NFAM1: variants seen among roughly 807,000 people sequenced by gnomAD.
The protein encoded by NFAM1 is NFAT activating protein with ITAM motif 1, also known as NFAT activation molecule 1.
A neutral mutation model predicts 29.0 loss-of-function variants in NFAM1; 17 were observed. The observed-to-expected ratio is 0.59, with a 90% confidence interval of 0.40 to 0.88. The LOEUF (loss-of-function observed/expected upper bound fraction) is 0.88. Among genes scored for constraint, NFAM1 ranks in the 40% least tolerant of loss-of-function variants. NFAM1 has a pLI of 0.00. For missense variants in NFAM1, 324 were observed against 344.6 expected (o/e 0.94, Z 0.47); for synonymous variants, 175 against 147.2 (o/e 1.19, Z -1.36).
chr22:42,437,824 A>C, the NFAM1 span, among the ~76,000 whole-genome samples: 1 of 152,172 alleles, frequency 6.6e-6, no homozygotes, highest in Admixed American at 6.5e-5. Flanking sequence ...GGTCCGGTGC[A>C]GGCAGAACCA....
intron 3 of NFAM1, among the ~76,000 whole-genome samples, chr22:42,402,491 G>C (rs974520165): frequency 6.6e-6 from 1 of 152,218 alleles, no homozygotes; most frequent in African/African-American, 2.4e-5. Context: ...AGGGGCCCGG[G>C]ATGTGCCAGA....
chr22:42,390,279 G>A (rs879357260), intron 4 of NFAM1, among the ~76,000 whole-genome samples: 8 of 152,086 alleles, frequency 5.3e-5, no homozygotes, highest in Admixed American at 2.0e-4. Context: ...ACCCTGGGAG[G>A]TAAGAACAGG....
rs1928971393 is a variant in NFAM1, at chr22:42,382,035, C to T, written c.*3126G>A. The T allele has an allele frequency of 1.3e-5, 2 of 152,538 alleles. No individual in the cohort carries two copies. Among genetic ancestry groups the T allele is most frequent in the South Asian group, 4.1e-4 (2 of 4,838 alleles). The allele number at this position is 152,538 out of a possible 1,614,324, so 9.4% of individuals were successfully genotyped here. A position where few individuals can be genotyped will look rare whatever the true frequency, so the allele number is the denominator to read the frequency against. On this transcript the variant is annotated 3_prime_UTR_variant, in exon 6 of 6. Transcript: ENST00000329021. ...CTGAGCCAGGGAGTCCCCTTCTGTC[C>T]TTTCTGAGACACTGAGTAGTGTTTG...
At chr22:42,416,937 C>T (rs1471374695) in intron 1 of NFAM1, among the ~76,000 whole-genome samples, 1 of 151,954 alleles carries the variant, frequency 6.6e-6, no homozygotes, top group Non-Finnish European at 1.5e-5. Flanking sequence ...GGATACCAGA[C>T]GCCGGGGGCT....
chr22:42,401,911 C>G (rs532408311), intron 3 of NFAM1, among the ~76,000 whole-genome samples: 11 of 152,332 alleles, frequency 7.2e-5, no homozygotes, highest in African/African-American at 2.6e-4. Flanking sequence ...ACATCCTGGC[C>G]ACTTCTGCCT....
chr22:42,422,610 C>T (rs1423123368), intron 1 of NFAM1, among the ~76,000 whole-genome samples: 1 of 151,682 alleles, frequency 6.6e-6, no homozygotes, highest in Non-Finnish European at 1.5e-5. Context: ...AAAACAAAAA[C>T]AAAAAAAGAA....
chr22:42,423,334 G>C (rs1319952492), intron 1 of NFAM1, among the ~76,000 whole-genome samples: 2 of 152,024 alleles, frequency 1.3e-5, no homozygotes, highest in African/African-American at 2.4e-5. Context: ...GGAGGGGCAA[G>C]GGGTTCCTGG....
Position 42,396,834 on chromosome 22 carries a change from G to A in NFAM1, c.663+1024C>T, listed in dbSNP as rs553902461. Among the ~76,000 whole-genome samples the A allele has an allele frequency of 4.3e-4, 65 of 152,332 alleles. 1 individual carries two copies. In the South Asian group the frequency reaches 0.013, roughly 31 times the overall value. ...CTGTATCCTGGGCGTCCTCTGTGTG[G>A]TGTTCTGTGGCGTTATTAGGGTGAG... On this transcript the variant is annotated intron_variant, in intron 4 of 5. Transcript: ENST00000329021.
intron 1 of NFAM1, among the ~76,000 whole-genome samples, chr22:42,430,100 G>GA (rs1249649317): frequency 6.6e-6 from 1 of 150,422 alleles, no homozygotes; most frequent in Non-Finnish European, 1.5e-5. Flanking sequence ...CTATCTCTAC[G>GA]AAAAAATTTA....
chr22:42,398,047 A>G, intron 3 of NFAM1, 91 bp from the exon 4 acceptor site: 1 of 672,296 alleles, frequency 1.5e-6, no homozygotes, highest in South Asian at 1.8e-5. Flanking sequence ...GCAGATTGTC[A>G]TGAGGTCACA....
At position 42,397,867 on chromosome 22, in the gene NFAM1, A is replaced by G. The variant is rs5996153; in HGVS notation, c.654T>C (p.Ser218=). Residue 218 remains serine, a synonymous_variant, in exon 4 of 6, where the codon TCT becomes TCC. Coordinates refer to ENST00000329021, the MANE Select transcript of NFAM1 (RefSeq NM_145912.8). ...ASSPKQHPSE[S]VYTALQRRET... is the part of the protein sequence containing the mutation. ...GGGCCCCGGGACTCACTGTGTAGAC[A>G]GATTCTGAAGGATGCTGCTTGGGGC... is the stretch of plus-strand genomic sequence containing the variant. 0.16 allele frequency: 252,441 copies of G among 1,607,228 alleles called. 21,264 individuals are homozygous for G. The highest frequency in any genetic ancestry group is 0.21 in the African/African-American group (15,767 of 74,782).
rs566750176 is a variant in NFAM1 at position 42,384,704 on chromosome 22, T to A, written c.*457A>T. On this transcript the variant is annotated 3_prime_UTR_variant, in exon 6 of 6. Coordinates refer to ENST00000329021, the MANE Select transcript of NFAM1 (RefSeq NM_145912.8). ...GGGATTTGCATAGCTGCTCCCCAGCTCCTCCATACCTCGGCTCCCCACACA... is the reference window on the plus strand; with the variant it reads ...GGGATTTGCATAGCTGCTCCCCAGCACCTCCATACCTCGGCTCCCCACACA... 2 of 176,738 alleles carry A rather than the reference T, an allele frequency of 1.1e-5. No homozygotes were observed. The highest frequency in any genetic ancestry group is 1.2e-4 in the Admixed American group (2 of 17,368). The allele number at this position is 176,738 out of a possible 1,614,324, so 10.9% of individuals were successfully genotyped here. A position where few individuals can be genotyped will look rare whatever the true frequency, so the allele number is the denominator to read the frequency against.
chr22:42,429,585 C>T (rs1161924035), intron 1 of NFAM1, among the ~76,000 whole-genome samples: 2 of 152,212 alleles, frequency 1.3e-5, no homozygotes, highest in Non-Finnish European at 2.9e-5. Flanking sequence ...CACTGCACTC[C>T]AGCCTGGGCA....
intron 2 of NFAM1, among the ~76,000 whole-genome samples, chr22:42,411,019 CTTTTTTTTTT>C (rs138369373): frequency 8.2e-6 from 1 of 121,774 alleles, no homozygotes; most frequent in African/African-American, 3.3e-5. Context: ...CTTTTCTTTT[CTTTTTTTTTT>C]TTTTTTTTTT....
In NFAM1 at chr22:42,388,669, C is replaced by G. The variant is rs1261038982; in HGVS notation, c.664-1591G>C. On this transcript the variant is annotated intron_variant, in intron 4 of 5. Coordinates refer to ENST00000329021, the MANE Select transcript of NFAM1 (RefSeq NM_145912.8). The surrounding 1 kb of genome is among the most constrained non-coding windows in gnomAD (Gnocchi z 4.1). ...GGCGGGAGGGAAGGAGGGAGGGAGG[C>G]AGGCGCCAAGAGGCAGCTGGGCATG... is the stretch of plus-strand genomic sequence containing the variant. Among the ~76,000 whole-genome samples the G allele has an allele frequency of 6.6e-6, 1 of 152,156 alleles. No individual in the cohort carries two copies. Among genetic ancestry groups the G allele is most frequent in the Non-Finnish European group, 1.5e-5 (1 of 68,014 alleles).
chr22:42,421,905 A>G (rs1005029779), intron 1 of NFAM1, among the ~76,000 whole-genome samples: 1 of 151,942 alleles, frequency 6.6e-6, no homozygotes, highest in African/African-American at 2.4e-5. Context: ...CATGTGCCTG[A>G]GCACAAATCC....
chr22:42,397,513 G>GGTAA (rs1002613579), intron 4 of NFAM1, among the ~76,000 whole-genome samples: 7 of 152,142 alleles, frequency 4.6e-5, no homozygotes, highest in Non-Finnish European at 1.0e-4. Context: ...AGGAGGAAGT[G>GGTAA]GTAAGAGCTG....
intron 3 of NFAM1, among the ~76,000 whole-genome samples, chr22:42,402,741 C>T (rs1028756435): frequency 2.6e-5 from 4 of 151,868 alleles, no homozygotes; most frequent in African/African-American, 9.7e-5. Context: ...ACTCTCATGG[C>T]AGGAATCATG....
Position 42,384,882 on chromosome 22 carries a change from A to C in NFAM1, c.*279T>G. On this transcript the variant is annotated 3_prime_UTR_variant, in exon 6 of 6. Coordinates refer to ENST00000329021, the MANE Select transcript of NFAM1 (RefSeq NM_145912.8). The stretch of plus-strand genomic sequence containing the variant: ...GGGTGGCATCCAGGAAAGCCCTTGA[A>C]GACTGAGGGGCGCTTTGCTGGTTGG... The C allele has an allele frequency of 1.9e-6, 1 of 532,336 alleles. No homozygotes were observed. Among genetic ancestry groups the C allele is most frequent in the Admixed American group, 3.2e-5 (1 of 31,520 alleles). The allele number at this position is 532,336 out of a possible 1,614,324, so 33.0% of individuals were successfully genotyped here.
Sources: allele counts gnomAD v4.1 joint callset (sites outside exome capture counted in the v4.1 genomes callset), GRCh38; gene constraint gnomAD v4.1.1; non-coding constraint Gnocchi (gnomAD v3.1); transcripts MANE v1.5; gene names NCBI Gene and HGNC (gene_info 2026-07-23, HGNC 2026-07-21).